Variants in MYO5B observed in about 807,000 individuals in gnomAD.
The protein encoded by MYO5B is unconventional myosin-Vb.
MYO5B carries 143 observed loss-of-function variants against 229.3 expected under a neutral mutation model. That is an observed-to-expected ratio of 0.62 (90% CI 0.54 to 0.72). The LOEUF (loss-of-function observed/expected upper bound fraction) is 0.72, where lower values mean the gene tolerates loss of function less well. MYO5B is among the 30% of genes least tolerant of loss of function. MYO5B has a pLI of 0.00. For missense variants in MYO5B, 2,321 were observed against 2,331.0 expected, an observed-to-expected ratio of 1.00 and a Z score of 0.09; for synonymous variants, 918 against 885.2, an observed-to-expected ratio of 1.04 and a Z score of -0.66.
chr18:49,875,019 C>T (rs549670651), intron 26 of MYO5B, among the ~76,000 whole-genome samples: 1 of 152,308 alleles, frequency 6.6e-6, no homozygotes, highest in Admixed American at 6.5e-5. Flanking sequence ...TTAAATTCCT[C>T]AATGGCTGGG....
chr18:49,902,902 C>A (rs2024859173), intron 20 of MYO5B, 69 bp from the exon 21 acceptor site: 1 of 1,573,458 alleles, frequency 6.4e-7, no homozygotes. Flanking sequence ...AAGCATACAT[C>A]ACTGCCTGTG....
intron 36 of MYO5B, among the ~76,000 whole-genome samples, 195 bp from the exon 37 acceptor site, chr18:49,837,997 G>A (rs2024011197): frequency 6.6e-6 from 1 of 152,212 alleles, no homozygotes; most frequent in African/African-American, 2.4e-5. Context: ...TAAAACAGCT[G>A]TGGACAGCAT....
At chr18:50,184,534 A>G (rs1269331571) in intron 1 of MYO5B, among the ~76,000 whole-genome samples, 4 of 152,206 alleles carry the variant, frequency 2.6e-5, no homozygotes, top group African/African-American at 7.2e-5. Flanking sequence ...GGAAAGTCAC[A>G]TAAGCCTGTG....
chr18:50,043,534 TTATA>T (rs1254512546), intron 2 of MYO5B, among the ~76,000 whole-genome samples: 112 of 118,672 alleles, frequency 9.4e-4, no homozygotes, highest in African/African-American at 3.7e-3. Context: ...TAAATATATT[TTATA>T]TATAAATATA....
chr18:50,161,434 T>C (rs2032764126), intron 1 of MYO5B, among the ~76,000 whole-genome samples: 1 of 129,536 alleles, frequency 7.7e-6, no homozygotes, highest in South Asian at 2.6e-4. Context: ...TCTAAGGGAG[T>C]GGGGGGACTA....
chr18:50,035,162 TAAAGCTAGAAGACTCCACAGGGTGG>T (rs1568079626), intron 4 of MYO5B, among the ~76,000 whole-genome samples: 2 of 152,290 alleles, frequency 1.3e-5, no homozygotes, highest in East Asian at 3.9e-4. Context: ...ACAGGGTGGA[TAAAGCTAGAAGACTCCACAGGGTGG>T]AAAGCTAGAA....
At chr18:49,837,366 G>A (rs2023999839) in intron 37 of MYO5B, 151 bp downstream of exon 37, 1 of 935,256 alleles carries the variant, frequency 1.1e-6, no homozygotes, top group Non-Finnish European at 1.7e-6. Context: ...AGGTAAAAAG[G>A]TGATGGATTT....
chr18:50,127,157 G>A (rs2032177088), intron 1 of MYO5B, among the ~76,000 whole-genome samples: 1 of 152,110 alleles, frequency 6.6e-6, no homozygotes, highest in Admixed American at 6.6e-5. Context: ...GCTAGTTAGA[G>A]CCCCCTACTC....
At chr18:49,960,893 G>C (rs3915948) in intron 12 of MYO5B, among the ~76,000 whole-genome samples, 49,821 of 152,102 alleles carry the variant, frequency 0.33, 8,781 homozygotes, top group South Asian at 0.51. Context: ...CTTGGGAGGA[G>C]AGTGAAAAGC....
At position 49,984,769 on chromosome 18, in the gene MYO5B, C is replaced by A; in HGVS notation, c.895G>T (p.Val299Leu). The A allele has an allele frequency of 6.2e-7, 1 of 1,614,034 alleles. No individual in the cohort carries two copies. Among genetic ancestry groups the A allele is most frequent in the Middle Eastern group, 1.6e-4 (1 of 6,062 alleles). ...SQGGDTSIEG[V>L]DDAEDFEKTR... ...TTCTCAAAGTCCTCAGCATCGTCCA[C>A]ACCCTCGATGGAAGTGTCTCCTCCC... Residue 299 changes from valine (V) to leucine (L), a missense_variant, in exon 8 of 40, where the codon GTG becomes TTG. Val to Leu is a conservative substitution (Grantham distance 32). Transcript: ENST00000285039.
At chr18:50,008,735 A>G (rs777668414) in intron 4 of MYO5B, among the ~76,000 whole-genome samples, 2 of 152,152 alleles carry the variant, frequency 1.3e-5, no homozygotes, top group African/African-American at 2.4e-5. Context: ...CCCATCTCCA[A>G]ACCGGTCATG....
At position 49,866,752 on chromosome 18, in the gene MYO5B, G is replaced by A. The variant is rs535814532; in HGVS notation, c.3604-2372C>T. 7.2e-5 allele frequency among the ~76,000 whole-genome samples: 11 copies of A among 152,292 alleles called. No homozygotes were observed. The South Asian group carries it at 1.9e-3, about 26-fold the overall frequency. ...GCTAGGTGCTGCAGGCACAACACCT[G>A]CTTAGAACCTATCAATTACACTAAA... On this transcript the variant is annotated intron_variant, in intron 27 of 39. Transcript: ENST00000285039.
intron 27 of MYO5B, chr18:49,871,730 T>A (rs552190356): frequency 5.5e-4 from 140 of 252,470 alleles, no homozygotes; most frequent in African/African-American, 2.8e-3. Flanking sequence ...CATTACCACG[T>A]CTTTGAGGAT....
intron 15 of MYO5B, among the ~76,000 whole-genome samples, chr18:49,936,844 G>C (rs1300784635): frequency 6.6e-6 from 1 of 152,166 alleles, no homozygotes; most frequent in Non-Finnish European, 1.5e-5. Flanking sequence ...TCTCTCCAGA[G>C]ACACAATGGG....
intron 4 of MYO5B, among the ~76,000 whole-genome samples, chr18:50,030,811 G>T (rs1329155937): frequency 1.5e-5 from 2 of 134,968 alleles, no homozygotes; most frequent in Non-Finnish European, 3.1e-5. Context: ...TGGGAATGTG[G>T]GTGCTGTATT....
chr18:49,936,095 T>C (rs1271096003), intron 16 of MYO5B, among the ~76,000 whole-genome samples, 157 bp downstream of exon 16: 1 of 152,266 alleles, frequency 6.6e-6, no homozygotes, highest in African/African-American at 2.4e-5. Flanking sequence ...AGCAAGTGTC[T>C]GTCAGTCTGT....
At chr18:49,854,616 G>A (rs976033523) in intron 30 of MYO5B, among the ~76,000 whole-genome samples, 2 of 152,174 alleles carry the variant, frequency 1.3e-5, no homozygotes, top group African/African-American at 4.8e-5. Flanking sequence ...TTCCAGACAT[G>A]GTTACATGGA....
intron 4 of MYO5B, among the ~76,000 whole-genome samples, chr18:50,005,623 C>G (rs1381060837): frequency 1.3e-5 from 2 of 152,160 alleles, no homozygotes; most frequent in Admixed American, 1.3e-4. Flanking sequence ...TGCCTTGTTG[C>G]CCAGGCTGGT....
chr18:50,155,805 C>T (rs371980837), intron 1 of MYO5B, among the ~76,000 whole-genome samples: 1 of 152,160 alleles, frequency 6.6e-6, no homozygotes, highest in Admixed American at 6.5e-5. Flanking sequence ...TCTCAGTAAC[C>T]ACTACAAACC....
Sources: gnomAD v4.1 joint callset for allele counts (sites outside exome capture counted in the v4.1 genomes callset) on GRCh38, gnomAD v4.1.1 for gene constraint, MANE v1.5 for transcripts, NCBI Gene and HGNC (gene_info 2026-07-23, HGNC 2026-07-21) for gene names.